GALNTL6: variants seen among roughly 807,000 people sequenced by gnomAD.
GALNTL6 encodes polypeptide N-acetylgalactosaminyltransferase like 6.
In GALNTL6, 46 loss-of-function variants were observed where a neutral mutation model predicts 73.7. That is an observed-to-expected ratio of 0.62 (90% CI 0.49 to 0.80). The LOEUF is 0.80. GALNTL6 is among the 30% of genes least tolerant of loss of function. The pLI, the probability that GALNTL6 is intolerant of heterozygous loss-of-function variation, is 0.00. For synonymous variants in GALNTL6, 259 were observed against 263.7 expected (o/e 0.98, Z 0.17); for missense variants, 604 against 755.0 (o/e 0.80, Z 2.34).
At chr4:172,084,544 A>G (rs1731970852) in intron 2 of GALNTL6, among the ~76,000 whole-genome samples, 1 of 152,194 alleles carries the variant, frequency 6.6e-6, no homozygotes, top group Non-Finnish European at 1.5e-5. Flanking sequence ...GTGATCACAA[A>G]CTGCTCTTGA....
chr4:172,330,144 A>T (rs1400699122), intron 4 of GALNTL6, among the ~76,000 whole-genome samples: 1 of 152,194 alleles, frequency 6.6e-6, no homozygotes, highest in African/African-American at 2.4e-5. Flanking sequence ...AGGGGTGTGT[A>T]TGGGAGTGTA....
chr4:171,860,488 T>C lies in GALNTL6; in HGVS notation c.138+45770T>C, dbSNP rs570699405. On this transcript the variant is annotated intron_variant, in intron 2 of 12. Transcript: ENST00000506823. Reference sequence around the variant, plus strand: ...AACCTGGCTTTAATCCTCACTCCTCTAGATTGCTCATTGTGGAACAATCAG... The same window carrying C: ...AACCTGGCTTTAATCCTCACTCCTCCAGATTGCTCATTGTGGAACAATCAG... Among the ~76,000 whole-genome samples the C allele has an allele frequency of 3.3e-5, 5 of 152,328 alleles. No individual in the cohort carries two copies. The South Asian group carries it at 8.3e-4, about 25-fold the overall frequency.
At chr4:172,693,314 T>C (rs1733430574) in intron 5 of GALNTL6, among the ~76,000 whole-genome samples, 1 of 152,202 alleles carries the variant, frequency 6.6e-6, no homozygotes, top group African/African-American at 2.4e-5. Flanking sequence ...CACTTATCAG[T>C]AAGTTATTAA....
intron 2 of GALNTL6, among the ~76,000 whole-genome samples, chr4:171,875,518 C>T (rs1050964029): frequency 1.3e-5 from 2 of 152,204 alleles, no homozygotes; most frequent in East Asian, 1.9e-4. Context: ...GTGATCAATA[C>T]GAATCCTACC....
At chr4:172,415,729 G>T (rs991596258) in intron 5 of GALNTL6, among the ~76,000 whole-genome samples, 1 of 152,034 alleles carries the variant, frequency 6.6e-6, no homozygotes, top group African/African-American at 2.4e-5. Flanking sequence ...TCCCTTTTAA[G>T]GGCTTGCAAC....
intron 2 of GALNTL6, among the ~76,000 whole-genome samples, chr4:171,914,912 C>T (rs1239620999): frequency 6.6e-6 from 1 of 151,524 alleles, no homozygotes. Context: ...ACTGGGCATA[C>T]TCAGAAGAAT....
chr4:172,481,436 G>C (rs942240759), intron 5 of GALNTL6, among the ~76,000 whole-genome samples: 4 of 149,664 alleles, frequency 2.7e-5, no homozygotes, highest in African/African-American at 9.8e-5. Flanking sequence ...TGTCTCTGTG[G>C]GCTTGGGCAG....
chr4:172,337,693 G>GTTTT (rs754345651), intron 4 of GALNTL6, among the ~76,000 whole-genome samples: 3 of 91,676 alleles, frequency 3.3e-5, no homozygotes, highest in African/African-American at 6.2e-5. Flanking sequence ...CGTCTTTAAG[G>GTTTT]TTTTTTGTTT....
At chr4:172,200,338 C>T (rs1474979588) in intron 2 of GALNTL6, among the ~76,000 whole-genome samples, 2 of 152,118 alleles carry the variant, frequency 1.3e-5, no homozygotes, top group East Asian at 3.8e-4. Context: ...CTGCTCATGG[C>T]TAGACATTGA....
At chr4:172,400,076 T>A (rs1275662966) in intron 5 of GALNTL6, among the ~76,000 whole-genome samples, 1 of 152,166 alleles carries the variant, frequency 6.6e-6, no homozygotes, top group East Asian at 1.9e-4. Context: ...AGTGTTAGAT[T>A]TGTGCCCTTT....
chr4:172,002,013 C>T (rs981197428), intron 2 of GALNTL6, among the ~76,000 whole-genome samples: 1 of 152,186 alleles, frequency 6.6e-6, no homozygotes, highest in South Asian at 2.1e-4. Flanking sequence ...AAATGAAGTC[C>T]CTATATAAGG....
chr4:172,357,603 T>C (rs1490938473), intron 5 of GALNTL6, among the ~76,000 whole-genome samples: 1 of 147,712 alleles, frequency 6.8e-6, no homozygotes, highest in Non-Finnish European at 1.5e-5. Flanking sequence ...GAAGACTATA[T>C]GGAGAATATA....
chr4:172,139,772 A>G (rs956499381), intron 2 of GALNTL6, among the ~76,000 whole-genome samples: 1 of 152,160 alleles, frequency 6.6e-6, no homozygotes, highest in African/African-American at 2.4e-5. Flanking sequence ...ACGGGAAGCA[A>G]CTACCCTGTT....
At chr4:172,912,936 C>T (rs1048630257) in intron 8 of GALNTL6, among the ~76,000 whole-genome samples, 1 of 152,198 alleles carries the variant, frequency 6.6e-6, no homozygotes, top group Non-Finnish European at 1.5e-5. Context: ...CCTCTGATCC[C>T]TGAGTAGCCT....
At chr4:172,471,489 C>A (rs1339086753) in intron 5 of GALNTL6, among the ~76,000 whole-genome samples, 1 of 152,194 alleles carries the variant, frequency 6.6e-6, no homozygotes, top group African/African-American at 2.4e-5. Flanking sequence ...TGAATCCAAT[C>A]ACATTACTGT....
chr4:172,399,194 T>C (rs1417096965), intron 5 of GALNTL6, among the ~76,000 whole-genome samples: 1 of 152,106 alleles, frequency 6.6e-6, no homozygotes, highest in Admixed American at 6.6e-5. Context: ...AATAAAGCAA[T>C]TGATTTTAGC....
At chr4:171,903,792 G>A (rs1405939460) in intron 2 of GALNTL6, among the ~76,000 whole-genome samples, 1 of 152,066 alleles carries the variant, frequency 6.6e-6, no homozygotes, top group Admixed American at 6.5e-5. Context: ...CGCAGCTGGA[G>A]ATCTGAGAAC....
At chr4:172,720,420 TC>T (rs1281646203) in intron 5 of GALNTL6, among the ~76,000 whole-genome samples, 1 of 152,136 alleles carries the variant, frequency 6.6e-6, no homozygotes, top group Non-Finnish European at 1.5e-5. Context: ...GCTGCAAACA[TC>T]CTGAACTTCC....
At chr4:172,959,053 G>T (rs1479821754) in intron 10 of GALNTL6, among the ~76,000 whole-genome samples, 4 of 152,214 alleles carry the variant, frequency 2.6e-5, no homozygotes, top group Non-Finnish European at 4.4e-5. Context: ...AAAAGGCCAT[G>T]CTGTAGCAGG....
Sources: gnomAD v4.1 joint callset for allele counts (sites outside exome capture counted in the v4.1 genomes callset) on GRCh38, gnomAD v4.1.1 for gene constraint, MANE v1.5 for transcripts, NCBI Gene and HGNC (gene_info 2026-07-23, HGNC 2026-07-21) for gene names.